The following FBXL17 variants were observed in gnomAD, a reference collection of about 807,000 sequenced individuals.
FBXL17 encodes F-box and leucine rich repeat protein 17, also known as F-box/LRR-repeat protein 17.
A neutral mutation model predicts 66.2 loss-of-function variants in FBXL17; 22 were observed. The observed-to-expected ratio is 0.33, with a 90% CI of 0.24 to 0.47. FBXL17 has a LOEUF of 0.47. Among genes scored for constraint, FBXL17 ranks in the 20% least tolerant of loss-of-function variants. The pLI is 1.00. For missense variants in FBXL17, 878 were observed against 948.2 expected (o/e 0.93, Z 0.97); for synonymous variants, 474 against 400.5 (o/e 1.18, Z -2.19).
chr5:108,152,879 G>A (rs899703903), intron 6 of FBXL17, among the ~76,000 whole-genome samples: 9 of 152,196 alleles, frequency 5.9e-5, no homozygotes, highest in Admixed American at 4.6e-4. Context: ...TGGTTTGGCT[G>A]TGTCACCACC....
At chr5:108,298,197 A>G (rs1758427249) in intron 4 of FBXL17, 2 of 979,740 alleles carry the variant, frequency 2.0e-6, no homozygotes, top group African/African-American at 3.5e-5. Flanking sequence ...ACAGCTCCAT[A>G]TGATATACAA....
At chr5:107,908,196 C>T (rs1749827297) in intron 7 of FBXL17, among the ~76,000 whole-genome samples, 1 of 152,042 alleles carries the variant, frequency 6.6e-6, no homozygotes, top group Non-Finnish European at 1.5e-5. Flanking sequence ...ATCGCAAGAA[C>T]AAAAAAGCAA....
At chr5:107,978,270 A>C (rs1010675803) in intron 7 of FBXL17, among the ~76,000 whole-genome samples, 1 of 151,962 alleles carries the variant, frequency 6.6e-6, no homozygotes, top group Admixed American at 6.6e-5. Flanking sequence ...TAATGGGAGG[A>C]AATTTAGTTT....
intron 7 of FBXL17, among the ~76,000 whole-genome samples, chr5:107,929,820 G>A (rs962273945): frequency 2.0e-5 from 3 of 152,074 alleles, no homozygotes; most frequent in Non-Finnish European, 4.4e-5. Context: ...CTCCAAAAAG[G>A]ACAGAGTCTA....
At chr5:108,007,438 C>A (rs1323221783) in intron 7 of FBXL17, among the ~76,000 whole-genome samples, 1 of 152,076 alleles carries the variant, frequency 6.6e-6, no homozygotes, top group Non-Finnish European at 1.5e-5. Context: ...TCTTTCCTAG[C>A]AGGTTGTAGA....
intron 6 of FBXL17, among the ~76,000 whole-genome samples, chr5:108,063,972 T>C (rs866526777): frequency 4.6e-5 from 7 of 152,264 alleles, no homozygotes; most frequent in Middle Eastern, 6.9e-3. Context: ...AACATGACAC[T>C]AAAGAACAGC....
At position 108,154,642 on chromosome 5, in the gene FBXL17, C is replaced by CATATATATGTGTATATATAT. The variant is rs1561437195; in HGVS notation, c.1745+31474_1745+31475insATATATATACACATATATAT. ...ACACACACACACACACACACACACA[C>CATATATATGTGTATATATAT]ACACACATATATGTATATACATATA... On this transcript the variant is annotated intron_variant, in intron 6 of 8. Coordinates refer to ENST00000542267, the MANE Select transcript of FBXL17 (RefSeq NM_001163315.3). 8.3e-5 allele frequency among the ~76,000 whole-genome samples: 8 copies of CATATATATGTGTATATATAT among 96,276 alleles called. No homozygotes were observed. The South Asian group carries it at 3.5e-3, about 43-fold the overall frequency. The allele number at this position is 96,276 out of a possible 152,430, so 63.2% of individuals were successfully genotyped here.
intron 7 of FBXL17, among the ~76,000 whole-genome samples, chr5:107,946,698 T>C (rs1012851137): frequency 6.6e-6 from 1 of 152,046 alleles, no homozygotes; most frequent in Admixed American, 6.6e-5. Flanking sequence ...GAGATGACTC[T>C]GTATTAAGAA....
At chr5:108,354,933 T>C (rs904962156) in intron 3 of FBXL17, among the ~76,000 whole-genome samples, 1 of 151,982 alleles carries the variant, frequency 6.6e-6, no homozygotes, top group African/African-American at 2.4e-5. Context: ...AAATTATCTT[T>C]CAAAAGTGAA....
intron 7 of FBXL17, among the ~76,000 whole-genome samples, chr5:107,979,721 A>G (rs1752733255): frequency 6.6e-6 from 1 of 152,212 alleles, no homozygotes; most frequent in Non-Finnish European, 1.5e-5. Context: ...CGGGGCTAAC[A>G]TCTAACTAGG....
At chr5:108,186,393 A>G (rs1432171511) in intron 5 of FBXL17, 146 bp from the exon 6 acceptor site, 6 of 612,478 alleles carry the variant, frequency 9.8e-6, no homozygotes. Flanking sequence ...AAGATATTGT[A>G]TATGTAATAT....
intron 6 of FBXL17, among the ~76,000 whole-genome samples, chr5:108,069,309 G>C (rs1333141924): frequency 2.0e-5 from 3 of 152,166 alleles, no homozygotes; most frequent in Non-Finnish European, 2.9e-5. Context: ...ACTAGCATTT[G>C]ATTCAACAAT....
intron 5 of FBXL17, among the ~76,000 whole-genome samples, chr5:108,208,511 G>A (rs549392939): frequency 6.6e-5 from 10 of 152,276 alleles, no homozygotes; most frequent in South Asian, 4.1e-4. Context: ...AAAGGGTCCA[G>A]TTTCAGTTTT....
At chr5:107,955,841 T>C (rs988178569) in intron 7 of FBXL17, among the ~76,000 whole-genome samples, 5 of 152,194 alleles carry the variant, frequency 3.3e-5, no homozygotes, top group Non-Finnish European at 7.3e-5. Flanking sequence ...ATCATGTCTA[T>C]GGCTAAAAGT....
At position 107,935,679 on chromosome 5, in the gene FBXL17, C is replaced by T. The variant is rs567874240; in HGVS notation, c.1823-54500G>A. ...TGGACCATTTTGCAAGATGTAAGCA[C>T]GTAAGTTGGTATAAAGGGCCATTTT... On this transcript the variant is annotated intron_variant, in intron 7 of 8. Transcript: ENST00000542267. Among the ~76,000 whole-genome samples, 8 of 152,068 alleles carry T rather than the reference C, an allele frequency of 5.3e-5. No homozygotes were observed. In the South Asian group the frequency reaches 8.3e-4, roughly 16 times the overall value.
chr5:108,325,551 G>A (rs1452893950), intron 4 of FBXL17, among the ~76,000 whole-genome samples: 2 of 152,088 alleles, frequency 1.3e-5, no homozygotes, highest in African/African-American at 4.8e-5. Context: ...GGTAGAAACT[G>A]TGAAAAATAA....
At chr5:108,298,580 T>C (rs971508599) in intron 4 of FBXL17, 1 of 949,386 alleles carries the variant, frequency 1.1e-6, no homozygotes, top group African/African-American at 1.8e-5. Context: ...TGGGAAACAA[T>C]GTTGTAACTG....
intron 4 of FBXL17, among the ~76,000 whole-genome samples, chr5:108,328,317 C>T (rs569160037): frequency 6.6e-6 from 1 of 151,826 alleles, no homozygotes; most frequent in African/African-American, 2.4e-5. Flanking sequence ...GAGACATGGG[C>T]ATTATTTAAA....
At chr5:107,950,843 A>G (rs1183603654) in intron 7 of FBXL17, among the ~76,000 whole-genome samples, 1 of 152,246 alleles carries the variant, frequency 6.6e-6, no homozygotes, top group Non-Finnish European at 1.5e-5. Context: ...AATGTGTGAC[A>G]GTTATCATGA....
Sources: gnomAD v4.1 joint callset for allele counts (sites outside exome capture counted in the v4.1 genomes callset) on GRCh38, gnomAD v4.1.1 for gene constraint, MANE v1.5 for transcripts, NCBI Gene and HGNC (gene_info 2026-07-23, HGNC 2026-07-21) for gene names.